The following ACTR3C variants were observed in gnomAD, a reference collection of about 807,000 sequenced individuals.
The protein encoded by ACTR3C is actin related protein 3C, also known as actin-related protein 3C.
ACTR3C carries 18 observed loss-of-function variants against 26.3 expected under a neutral mutation model. The observed-to-expected ratio is 0.68, with a 90% confidence interval of 0.47 to 1.01. The LOEUF is 1.01. ACTR3C is among the 50% of genes least tolerant of loss of function. The pLI is 0.00. For synonymous variants in ACTR3C, 55 were observed against 94.5 expected (o/e 0.58, Z 2.42); for missense variants, 184 against 250.7 (o/e 0.73, Z 1.80).
the ACTR3C span, among the ~76,000 whole-genome samples, chr7:150,214,983 G>A: frequency 6.6e-6 from 1 of 150,472 alleles, no homozygotes; most frequent in Non-Finnish European, 1.5e-5. Context: ...AAGTAAAAAT[G>A]TAGGTGGGAT....
chr7:149,926,910 T>A, the ACTR3C span, among the ~76,000 whole-genome samples: 2 of 151,892 alleles, frequency 1.3e-5, no homozygotes, highest in Non-Finnish European at 2.9e-5. Context: ...AGTGGGTTGT[T>A]AAAATATGAA....
At chr7:150,142,820 C>T in the ACTR3C span, among the ~76,000 whole-genome samples, 1 of 149,562 alleles carries the variant, frequency 6.7e-6, no homozygotes, top group East Asian at 2.0e-4. Context: ...TGAGCCACTA[C>T]GCCTGGCTTT....
At chr7:150,133,313 C>T in the ACTR3C span, among the ~76,000 whole-genome samples, 650 of 152,248 alleles carry the variant, frequency 4.3e-3, 6 homozygotes, top group African/African-American at 0.015. Flanking sequence ...ACCAACTCTC[C>T]CTCCCCAATC....
chr7:150,175,111 T>A, the ACTR3C span, among the ~76,000 whole-genome samples: 1 of 113,620 alleles, frequency 8.8e-6, no homozygotes, highest in Non-Finnish European at 1.7e-5. Context: ...AATGAAAGAA[T>A]AAATAAAGTA....
At chr7:150,240,598 T>C (rs1832126114), downstream of ACTR3C, among the ~76,000 whole-genome samples, 1 of 151,972 alleles carries the variant, frequency 6.6e-6, no homozygotes, top group East Asian at 1.9e-4. Flanking sequence ...AAATTATCTA[T>C]AGAGGTGGGA....
the ACTR3C span, among the ~76,000 whole-genome samples, chr7:150,067,111 A>C: frequency 6.6e-6 from 1 of 152,258 alleles, no homozygotes; most frequent in Non-Finnish European, 1.5e-5. Flanking sequence ...CTTCATGAGG[A>C]GGATGTAGAG....
the ACTR3C span, among the ~76,000 whole-genome samples, chr7:149,901,999 A>C: frequency 6.6e-6 from 1 of 150,530 alleles, no homozygotes; most frequent in Non-Finnish European, 1.5e-5. Flanking sequence ...TGGGTATAGG[A>C]TTATAGGATG....
the ACTR3C span, among the ~76,000 whole-genome samples, chr7:150,077,351 T>C: frequency 6.6e-6 from 1 of 152,178 alleles, no homozygotes; most frequent in East Asian, 1.9e-4. Context: ...CAGAGCCTAC[T>C]GTAGGAGGTA....
the ACTR3C span, among the ~76,000 whole-genome samples, chr7:150,079,762 T>C: frequency 6.9e-4 from 105 of 152,150 alleles, no homozygotes; most frequent in Non-Finnish European, 1.1e-3. Context: ...CCAAGGAGTC[T>C]TGCCCTTTTC....
At chr7:150,084,663 A>G in the ACTR3C span, among the ~76,000 whole-genome samples, 7 of 152,168 alleles carry the variant, frequency 4.6e-5, no homozygotes, top group Non-Finnish European at 8.8e-5. Context: ...GTGTGCAGGA[A>G]AAAGGGGTCT....
chr7:150,058,066 C>T, the ACTR3C span, among the ~76,000 whole-genome samples: 1 of 152,172 alleles, frequency 6.6e-6, no homozygotes, highest in African/African-American at 2.4e-5. Context: ...GATAATGTCA[C>T]CTTATCATTT....
chr7:150,220,677 A>T, the ACTR3C span, among the ~76,000 whole-genome samples: 1 of 152,176 alleles, frequency 6.6e-6, no homozygotes, highest in South Asian at 2.1e-4. Flanking sequence ...AGCCAGGGGG[A>T]CGCAGGACTA....
At chr7:150,186,937 A>T in the ACTR3C span, among the ~76,000 whole-genome samples, 10,524 of 151,924 alleles carry the variant, frequency 0.069, 641 homozygotes, top group African/African-American at 0.16. Context: ...TTTGTTTTTT[A>T]AAAAAAAGGT....
At chr7:150,245,035 A>T (rs1832391422), downstream of ACTR3C, 1 of 152,182 alleles carries the variant, frequency 6.6e-6, no homozygotes. Context: ...TTAAAACTGG[A>T]TTTCTTCATG....
chr7:149,891,695 C>T, the ACTR3C span, among the ~76,000 whole-genome samples: 3 of 142,616 alleles, frequency 2.1e-5, no homozygotes, highest in East Asian at 2.1e-4. Context: ...CATGGTGGTG[C>T]GTGCCTGTAG....
chr7:149,951,222 G>A, the ACTR3C span, among the ~76,000 whole-genome samples: 1 of 116,202 alleles, frequency 8.6e-6, no homozygotes, highest in Non-Finnish European at 1.7e-5. Flanking sequence ...CAGCTGCAGA[G>A]CCAGGCCCCC....
the ACTR3C span, among the ~76,000 whole-genome samples, chr7:149,936,288 C>T: frequency 6.6e-6 from 1 of 152,286 alleles, no homozygotes; most frequent in South Asian, 2.1e-4. Flanking sequence ...TTCCCACCCA[C>T]TCCTCACCAT....
the ACTR3C span, among the ~76,000 whole-genome samples, chr7:149,955,006 C>T: frequency 6.6e-6 from 1 of 152,196 alleles, no homozygotes; most frequent in Non-Finnish European, 1.5e-5. Flanking sequence ...ATCATTAAAT[C>T]CAGGTATACA....
chr7:150,234,578 G>A, the ACTR3C span, among the ~76,000 whole-genome samples: 16 of 152,210 alleles, frequency 1.1e-4, 1 homozygote, highest in Admixed American at 6.5e-4. Context: ...CTAGCGCTCC[G>A]GAAAATCATC....
Sources: gnomAD v4.1 joint callset for allele counts (sites outside exome capture counted in the v4.1 genomes callset) on GRCh38, gnomAD v4.1.1 for gene constraint, MANE v1.5 for transcripts, NCBI Gene and HGNC (gene_info 2026-07-23, HGNC 2026-07-21) for gene names.